NPAS2: variants seen among roughly 807,000 people sequenced by gnomAD.
NPAS2 encodes neuronal PAS domain protein 2.
NPAS2 carries 23 observed loss-of-function variants against 107.5 expected under a neutral mutation model. The observed-to-expected ratio is 0.21, with a 90% CI of 0.15 to 0.30. The LOEUF (loss-of-function observed/expected upper bound fraction) is 0.30, where lower values mean the gene tolerates loss of function less well. NPAS2 is among the 10% of genes least tolerant of loss of function. The pLI is 1.00. For missense variants in NPAS2, 756 were observed against 1,043.3 expected, an observed-to-expected ratio of 0.72 and a Z score of 3.79; for synonymous variants, 403 against 417.5, an observed-to-expected ratio of 0.97 and a Z score of 0.42.
At chr2:100,986,469 G>T (rs546861408) in intron 16 of NPAS2, 1 of 152,360 alleles carries the variant, frequency 6.6e-6, no homozygotes, top group Admixed American at 6.5e-5. Context: ...CAGGAATGGG[G>T]TGAAAAACGT....
rs368030301 is a variant in NPAS2, at chr2:100,984,618, C to T, written c.1629+2241C>T. The T allele has an allele frequency of 5.9e-5, 9 of 151,554 alleles. 1 individual carries two copies. Among genetic ancestry groups the T allele is most frequent in the African/African-American group, 2.2e-4 (9 of 41,392 alleles). 9.4% of individuals were successfully genotyped at this position (151,554 alleles called of 1,614,324 possible). ...TTGTTTTCTCTGATAACTTTTCCCA[C>T]TTGGAGAACTTTTTTTTTTTTTTAT... On this transcript the variant is annotated intron_variant, in intron 16 of 20. Coordinates refer to ENST00000335681, the MANE Select transcript of NPAS2 (RefSeq NM_002518.4).
chr2:100,994,891 C>G (rs961277932), intron 20 of NPAS2: 1 of 153,172 alleles, frequency 6.5e-6, no homozygotes, highest in Non-Finnish European at 1.5e-5. Flanking sequence ...CTGAAGTTTC[C>G]AAAGTCAGGC....
Position 100,995,644 on chromosome 2 carries a change from A to G in NPAS2, c.*62A>G. On this transcript the variant is annotated 3_prime_UTR_variant, in exon 21 of 21. Transcript: ENST00000335681. ...ACCAATGGATGAGGGGGGTGGCCAC[A>G]GGAGATGGGGAGAGGAGTCTGAACT... 1 of 1,566,294 alleles carries G rather than the reference A, an allele frequency of 6.4e-7. No homozygotes were observed. The highest frequency in any genetic ancestry group is 8.7e-7 in the Non-Finnish European group (1 of 1,155,714).
At chr2:100,832,237 G>T (rs1391760829) in intron 1 of NPAS2, among the ~76,000 whole-genome samples, 2 of 152,148 alleles carry the variant, frequency 1.3e-5, no homozygotes, top group Non-Finnish European at 2.9e-5. Context: ...GCAGATATGA[G>T]CCCCTCAAAG....
chr2:100,821,373 G>A (rs1341051045), intron 1 of NPAS2, among the ~76,000 whole-genome samples: 2 of 152,110 alleles, frequency 1.3e-5, no homozygotes, highest in African/African-American at 2.4e-5. Context: ...AGTTCAACAG[G>A]TGTTCAGGAG....
At chr2:100,912,273 C>G (rs116344587) in intron 2 of NPAS2, among the ~76,000 whole-genome samples, 1,960 of 150,934 alleles carry the variant, frequency 0.013, 42 homozygotes, top group African/African-American at 0.046. Flanking sequence ...TTATTTTGCT[C>G]AGTTTATAAA....
intron 1 of NPAS2, among the ~76,000 whole-genome samples, chr2:100,887,688 T>G (rs1189213677): frequency 2.0e-5 from 3 of 152,034 alleles, no homozygotes; most frequent in South Asian, 2.1e-4. Context: ...TTTCTTTTTT[T>G]TTTTTTGAGC....
chr2:100,952,420 C>T (rs915721925), intron 7 of NPAS2, among the ~76,000 whole-genome samples: 21 of 150,858 alleles, frequency 1.4e-4, no homozygotes, highest in Admixed American at 2.6e-4. Context: ...CAAAATTAGC[C>T]GGGCATGATG....
chr2:100,968,505 T>A lies in NPAS2; in HGVS notation c.1055+77T>A, dbSNP rs1676362861. 1 of 1,424,570 alleles carries A rather than the reference T, an allele frequency of 7.0e-7. No homozygotes were observed. The highest frequency in any genetic ancestry group is 1.4e-5 in the African/African-American group (1 of 70,746). The allele number at this position is 1,424,570 out of a possible 1,614,324, so 88.2% of individuals were successfully genotyped here. A position where few individuals can be genotyped will look rare whatever the true frequency, so the allele number is the denominator to read the frequency against. ...GGGTGCAGGATGGCGTGGCCCCTGA[T>A]GGCCAAGTCAGATCAGCAGTCACTC... is the stretch of plus-strand genomic sequence containing the variant. On this transcript the variant is annotated intron_variant, in intron 11 of 20. Coordinates refer to ENST00000335681, the MANE Select transcript of NPAS2 (RefSeq NM_002518.4). This position sits in a 1 kb window ranked among gnomAD's most constrained non-coding sequence, Gnocchi z 5.3.
chr2:100,886,400 G>C (rs1206496068), intron 1 of NPAS2, among the ~76,000 whole-genome samples: 1 of 152,162 alleles, frequency 6.6e-6, no homozygotes, highest in African/African-American at 2.4e-5. Context: ...AATATCTTGG[G>C]AATTTAAATA....
intron 1 of NPAS2, among the ~76,000 whole-genome samples, chr2:100,827,871 A>G (rs1676484787): frequency 6.6e-6 from 1 of 152,198 alleles, no homozygotes. Flanking sequence ...TGTGATGAAC[A>G]TGTGAATGCA....
intron 2 of NPAS2, among the ~76,000 whole-genome samples, chr2:100,911,727 G>A (rs1470839537): frequency 1.3e-5 from 2 of 152,138 alleles, no homozygotes; most frequent in Non-Finnish European, 2.9e-5. Context: ...CACCTCCCGG[G>A]TTCAAGCCAT....
chr2:100,982,236 G>C lies in NPAS2; in HGVS notation c.1488G>C (p.Ser496=). 1 of 1,613,992 alleles carries C rather than the reference G, an allele frequency of 6.2e-7. No individual in the cohort carries two copies. The highest frequency in any genetic ancestry group is 8.5e-7 in the Non-Finnish European group (1 of 1,179,988). Residue 496 remains serine, a synonymous_variant, in exon 16 of 21, where the codon TCG becomes TCC. Coordinates refer to ENST00000335681, the MANE Select transcript of NPAS2 (RefSeq NM_002518.4). ...TTTTCGGCTCCACCTTGAAGTTTTC[G>C]GCACAGTTCAGCATGTTCCAGACCA... ...QSTPAPMAQF[S]AQFSMFQTIK... is the part of the protein sequence containing the mutation.
At chr2:100,933,073 T>C (rs1464772932) in intron 4 of NPAS2, 72 bp downstream of exon 4, 17 of 1,144,748 alleles carry the variant, frequency 1.5e-5, no homozygotes, top group African/African-American at 3.1e-5. Context: ...GATAAGTCCC[T>C]GTACCCAAAG....
At chr2:100,962,645 C>T (rs751207210) in intron 7 of NPAS2, 3 of 152,196 alleles carry the variant, frequency 2.0e-5, no homozygotes, top group Non-Finnish European at 4.4e-5. Context: ...CCGTGGACGA[C>T]TTTGAGAGTT....
intron 1 of NPAS2, among the ~76,000 whole-genome samples, chr2:100,836,224 A>G (rs1364172110): frequency 1.3e-5 from 2 of 152,184 alleles, no homozygotes; most frequent in Non-Finnish European, 2.9e-5. Flanking sequence ...TTTGATTGAC[A>G]TACATATACA....
At chr2:100,963,992 A>G (rs1475736249) in intron 7 of NPAS2, 66 bp from the exon 8 acceptor site, 3 of 983,492 alleles carry the variant, frequency 3.1e-6, no homozygotes, top group African/African-American at 1.6e-5. Context: ...TTAAGTGCCA[A>G]CTAGGGATTG....
chr2:100,839,091 C>T (rs529176434), intron 1 of NPAS2, among the ~76,000 whole-genome samples: 2 of 152,068 alleles, frequency 1.3e-5, no homozygotes. Flanking sequence ...TTGGCCTACT[C>T]TACATGAAGA....
chr2:100,931,813 T>C (rs1683980716), intron 3 of NPAS2, among the ~76,000 whole-genome samples: 1 of 152,196 alleles, frequency 6.6e-6, no homozygotes, highest in Non-Finnish European at 1.5e-5. Flanking sequence ...CTTTTGTTCA[T>C]GAGTAGCTGC....
Sources: gnomAD v4.1 joint callset for allele counts (sites outside exome capture counted in the v4.1 genomes callset) on GRCh38, gnomAD v4.1.1 for gene constraint, Gnocchi (gnomAD v3.1) non-coding constraint, MANE v1.5 for transcripts, NCBI Gene and HGNC (gene_info 2026-07-23, HGNC 2026-07-21) for gene names.